The following PEX5L variants were observed in gnomAD, a reference collection of about 807,000 sequenced individuals.
PEX5L encodes the protein peroxisomal biogenesis factor 5 like, also known as PEX5-related protein.
PEX5L carries 30 observed loss-of-function variants against 84.0 expected under a neutral mutation model. The observed-to-expected ratio is 0.36, with a 90% CI of 0.27 to 0.48. PEX5L has a LOEUF of 0.48. PEX5L is among the 20% of genes least tolerant of loss of function. The pLI, the probability that PEX5L is intolerant of heterozygous loss-of-function variation, is 0.99. For missense variants in PEX5L, 533 were observed against 754.6 expected, an observed-to-expected ratio of 0.71 and a Z score of 3.44; for synonymous variants, 270 against 283.1, an observed-to-expected ratio of 0.95 and a Z score of 0.46.
intron 8 of PEX5L, among the ~76,000 whole-genome samples, chr3:179,825,899 T>C (rs1045142431): frequency 1.3e-5 from 2 of 152,208 alleles, no homozygotes; most frequent in African/African-American, 4.8e-5. Flanking sequence ...AAATAATATT[T>C]CCCAGGATAC....
At chr3:179,825,040 G>A (rs1729919169) in intron 8 of PEX5L, among the ~76,000 whole-genome samples, 2 of 152,232 alleles carry the variant, frequency 1.3e-5, no homozygotes, top group African/African-American at 4.8e-5. Context: ...CAATTGGTCA[G>A]AATTAGTTTG....
intron 3 of PEX5L, among the ~76,000 whole-genome samples, chr3:179,897,701 A>G (rs1183106305): frequency 6.6e-6 from 1 of 152,168 alleles, no homozygotes; most frequent in East Asian, 1.9e-4. Flanking sequence ...CAACATAAAT[A>G]TATTTAACAT....
chr3:179,811,935 G>A (rs1212264350), intron 10 of PEX5L, 64 bp from the exon 11 acceptor site: 1 of 1,342,398 alleles, frequency 7.4e-7, no homozygotes, highest in Non-Finnish European at 1.1e-6. Flanking sequence ...GCTTCAGTTG[G>A]TTTGTTGACC....
chr3:179,907,661 T>A (rs1763733271), intron 2 of PEX5L, among the ~76,000 whole-genome samples: 1 of 152,210 alleles, frequency 6.6e-6, no homozygotes, highest in African/African-American at 2.4e-5. Context: ...TAAATATTGT[T>A]ACTAAATTAT....
At chr3:180,024,267 T>C (rs548839559) in intron 1 of PEX5L, among the ~76,000 whole-genome samples, 52 of 149,764 alleles carry the variant, frequency 3.5e-4, no homozygotes, top group African/African-American at 1.3e-3. Flanking sequence ...CCCGGCACTT[T>C]GGGAGGCCGA....
At chr3:179,816,395 A>G (rs575872281) in intron 9 of PEX5L, among the ~76,000 whole-genome samples, 1 of 152,348 alleles carries the variant, frequency 6.6e-6, no homozygotes, top group East Asian at 1.9e-4. Context: ...ACACCATGGA[A>G]TACTATACAG....
intron 1 of PEX5L, among the ~76,000 whole-genome samples, chr3:180,022,033 G>A (rs1790469598): frequency 6.6e-6 from 1 of 152,032 alleles, no homozygotes. Flanking sequence ...TATTGATTCT[G>A]AAACCAGAAT....
At chr3:180,003,263 C>T (rs900603738) in intron 1 of PEX5L, among the ~76,000 whole-genome samples, 1 of 152,074 alleles carries the variant, frequency 6.6e-6, no homozygotes, top group Non-Finnish European at 1.5e-5. Flanking sequence ...TGGAAAACAT[C>T]TGGGATTTAA....
rs532532596 is a variant in PEX5L, at chr3:179,862,454, C to G, written c.727-3297G>C. Among the ~76,000 whole-genome samples the G allele has an allele frequency of 3.9e-5, 6 of 152,280 alleles. 1 individual carries two copies. The South Asian group carries it at 1.2e-3, about 32-fold the overall frequency. On this transcript the variant is annotated intron_variant, in intron 7 of 14. Transcript: ENST00000467460. ...TGCTGTAACCTAGTAGAGATGTTAA[C>G]TCCAACGGTGATATCTTATTGTCTT... is the stretch of plus-strand genomic sequence containing the variant.
intron 8 of PEX5L, among the ~76,000 whole-genome samples, chr3:179,822,407 G>A (rs1195020825): frequency 6.6e-6 from 1 of 152,166 alleles, no homozygotes; most frequent in African/African-American, 2.4e-5. Context: ...CCTCAGCTGA[G>A]GTAGAGCTGC....
chr3:179,823,866 T>C (rs1257826850), intron 8 of PEX5L, among the ~76,000 whole-genome samples: 1 of 152,216 alleles, frequency 6.6e-6, no homozygotes, highest in Non-Finnish European at 1.5e-5. Flanking sequence ...CAGATCAGAA[T>C]AAGGCAGAAG....
intron 2 of PEX5L, among the ~76,000 whole-genome samples, chr3:179,935,699 G>A (rs943017358): frequency 6.6e-6 from 1 of 152,000 alleles, no homozygotes; most frequent in Non-Finnish European, 1.5e-5. Context: ...AACTCACGTT[G>A]GAACCTTGAT....
In PEX5L at chr3:180,001,566, T is replaced by C. The variant is rs572023491; in HGVS notation, c.22-29901A>G. Among the ~76,000 whole-genome samples, 45 of 152,052 alleles carry C rather than the reference T, an allele frequency of 3.0e-4. No individual in the cohort carries two copies. In the South Asian group the frequency reaches 9.1e-3, roughly 31 times the overall value. On this transcript the variant is annotated intron_variant, in intron 1 of 14. Transcript: ENST00000467460. Reference sequence around the variant, plus strand: ...ATTTGTAGCTAAACCTATGTACACATCTTTTGGACAGAGGGTTGATAAACA... The same window carrying C: ...ATTTGTAGCTAAACCTATGTACACACCTTTTGGACAGAGGGTTGATAAACA...
chr3:180,030,925 T>C (rs1045533750), intron 1 of PEX5L, among the ~76,000 whole-genome samples: 1 of 151,208 alleles, frequency 6.6e-6, no homozygotes, highest in Non-Finnish European at 1.5e-5. Flanking sequence ...TTTTTGTCTT[T>C]TTTTTTTTTT....
rs1791940590 is a variant in PEX5L at position 180,036,728 on chromosome 3, A to G, written c.-129T>C. On this transcript the variant is annotated 5_prime_UTR_variant, in exon 1 of 15. Coordinates refer to ENST00000467460, the MANE Select transcript of PEX5L (RefSeq NM_016559.3). Reference sequence around the variant, plus strand: ...CAGAGGGTGCTCCTGAGCCCCCTGGAGCTCCGGGTACTCGGCCGGCCGGCG... The same window carrying G: ...CAGAGGGTGCTCCTGAGCCCCCTGGGGCTCCGGGTACTCGGCCGGCCGGCG... 7.2e-6 allele frequency: 7 copies of G among 971,286 alleles called. No individual in the cohort carries two copies. Among genetic ancestry groups the G allele is most frequent in the Non-Finnish European group, 8.3e-6 (5 of 605,828 alleles). The allele number at this position is 971,286 out of a possible 1,614,324, so 60.2% of individuals were successfully genotyped here.
rs1553929498 is a variant in PEX5L, at chr3:180,024,373, T to TAC, written c.21+12204_21+12205dup. Reference sequence around the variant, plus strand: ...ATATATATATATATATATATATATATACACACACAAAAAAAAAAAAAATTA... The same window carrying TAC: ...ATATATATATATATATATATATATATACACACACACAAAAAAAAAAAAAATTA... On this transcript the variant is annotated intron_variant, in intron 1 of 14. Transcript: ENST00000467460. Among the ~76,000 whole-genome samples the TAC allele has an allele frequency of 1.8e-3, 140 of 78,886 alleles. 2 individuals carry two copies. Among genetic ancestry groups the TAC allele is most frequent in the Non-Finnish European group, 2.6e-3 (109 of 42,598 alleles). 51.8% of individuals were successfully genotyped at this position (78,886 alleles called of 152,430 possible).
intron 2 of PEX5L, among the ~76,000 whole-genome samples, chr3:179,908,942 A>T (rs1198607521): frequency 6.6e-6 from 1 of 152,120 alleles, no homozygotes; most frequent in African/African-American, 2.4e-5. Context: ...TAGATTTTTG[A>T]GAATTACATG....
At chr3:180,016,977 G>A (rs902647101) in intron 1 of PEX5L, among the ~76,000 whole-genome samples, 1 of 151,866 alleles carries the variant, frequency 6.6e-6, no homozygotes, top group East Asian at 1.9e-4. Context: ...TATGTAAAAA[G>A]AGTGAGTAAT....
chr3:179,828,261 G>A (rs937378607), intron 8 of PEX5L, among the ~76,000 whole-genome samples: 1 of 152,110 alleles, frequency 6.6e-6, no homozygotes, highest in East Asian at 1.9e-4. Context: ...AATAGTTCCT[G>A]AATAAAATCT....
Sources: allele counts gnomAD v4.1 joint callset (sites outside exome capture counted in the v4.1 genomes callset), GRCh38; gene constraint gnomAD v4.1.1; transcripts MANE v1.5; gene names NCBI Gene and HGNC (gene_info 2026-07-23, HGNC 2026-07-21).